CABS1: variants seen among roughly 807,000 people sequenced by gnomAD.
CABS1 encodes the protein calcium-binding and spermatid-specific protein 1.
For synonymous variants in CABS1, 195 were observed against 169.0 expected (o/e 1.15, Z -1.19); for missense variants, 500 against 464.3 (o/e 1.08, Z -0.71).
At position 70,336,255 on chromosome 4, in the gene CABS1, T is replaced by G. The variant is rs200977898; in HGVS notation, c.*28T>G. 13 of 1,577,552 alleles carry G rather than the reference T, an allele frequency of 8.2e-6. No homozygotes were observed. The Admixed American group carries it at 1.5e-4, about 18-fold the overall frequency. On this transcript the variant is annotated 3_prime_UTR_variant, in exon 1 of 2. Coordinates refer to ENST00000273936, the MANE Select transcript of CABS1 (RefSeq NM_033122.4). The stretch of plus-strand genomic sequence containing the variant: ...GCAACAAAAGGGATACCATGTAGAA[T>G]TGTGCAATAGTCTAGCCAGCTAGCC...
Position 70,335,578 on chromosome 4 carries a change from C to T in CABS1, c.539C>T (p.Pro180Leu). 6.2e-7 allele frequency: 1 copy of T among 1,613,566 alleles called. No individual in the cohort carries two copies. The highest frequency in any genetic ancestry group is 1.1e-5 in the South Asian group (1 of 91,068). Reference sequence around the variant, plus strand: ...GGTGTTGCTGACGCTCCTGCCTTTCCACGTAAAAAGGATGAAGCTGATATG... The same window carrying T: ...GGTGTTGCTGACGCTCCTGCCTTTCTACGTAAAAAGGATGAAGCTGATATG... ...SAGVADAPAF[P>L]RKKDEADMSN... The change falls in exon 1 of 2, where the codon CCA (proline) becomes CTA (leucine). Residue 180 changes from proline (P) to leucine (L), a missense_variant. Transcript: ENST00000273936.
Position 70,336,163 on chromosome 4 carries a change from C to T in CABS1, c.1124C>T (p.Thr375Ile), listed in dbSNP as rs1731725352. 1 of 1,612,998 alleles carries T rather than the reference C, an allele frequency of 6.2e-7. No individual in the cohort carries two copies. The highest frequency in any genetic ancestry group is 8.5e-7 in the Non-Finnish European group (1 of 1,179,374). Reference sequence around the variant, plus strand: ...GATACCCCAGACTATAAGGAAGACACCTCCACAACTGAAACGGATATCTTT... The same window carrying T: ...GATACCCCAGACTATAAGGAAGACATCTCCACAACTGAAACGGATATCTTT... ...VLDTPDYKED[T>I]STTETDIFEL... The change falls in exon 1 of 2, where the codon ACC (threonine) becomes ATC (isoleucine). Residue 375 changes from threonine to isoleucine, a missense_variant. Thr to Ile is a moderately conservative substitution (Grantham distance 89). Coordinates refer to ENST00000273936, the MANE Select transcript of CABS1 (RefSeq NM_033122.4).
At chr4:70,336,910 A>C (rs1731740598) in intron 1 of CABS1, 56 bp from the exon 2 acceptor site, 1 of 152,366 alleles carries the variant, frequency 6.6e-6, no homozygotes, top group South Asian at 2.1e-4. Flanking sequence ...ATATACATCA[A>C]TTTAATTTTC....
rs1180086752 is a variant in CABS1, at chr4:70,335,501, A to G, written c.462A>G (p.Ala154=). ...ILLATIDTGD[A]EISITSEVSG... ...TAGCTACCATTGACACAGGAGATGC[A>G]GAGATCTCAATAACCTCTGAAGTCT... The change falls in exon 1 of 2, where the codon GCA becomes GCG. Residue 154 remains alanine, a synonymous_variant. Coordinates refer to ENST00000273936, the MANE Select transcript of CABS1 (RefSeq NM_033122.4). The G allele has an allele frequency of 3.1e-6, 5 of 1,613,722 alleles. No individual in the cohort carries two copies. The East Asian group carries it at 1.1e-4, about 36-fold the overall frequency.
At chr4:70,336,389 G>C in intron 1 of CABS1, 43 bp downstream of exon 1, 1 of 933,404 alleles carries the variant, frequency 1.1e-6, no homozygotes, top group Non-Finnish European at 1.5e-6. Flanking sequence ...AGGACTACAG[G>C]TCATGTAACA....
rs1406470151 is a variant in CABS1 at position 70,335,528 on chromosome 4, T to A, written c.489T>A (p.Ser163=). The change falls in exon 1 of 2, where the codon TCT becomes TCA. Residue 163 remains serine (S), a synonymous_variant. Coordinates refer to ENST00000273936, the MANE Select transcript of CABS1 (RefSeq NM_033122.4). ...AGATCTCAATAACCTCTGAAGTCTCTGGCACACTAAAGGACAGCAGTGCTG... is the reference window on the plus strand; with the variant it reads ...AGATCTCAATAACCTCTGAAGTCTCAGGCACACTAAAGGACAGCAGTGCTG... ...DAEISITSEV[S]GTLKDSSAGV... is the part of the protein sequence containing the mutation. 6.2e-7 allele frequency: 1 copy of A among 1,613,702 alleles called. No homozygotes were observed. The highest frequency in any genetic ancestry group is 1.7e-5 in the Admixed American group (1 of 59,932).
chr4:70,336,248 T>C lies in CABS1; in HGVS notation c.*21T>C, dbSNP rs369578007. The C allele has an allele frequency of 2.1e-4, 336 of 1,582,698 alleles. 1 individual carries two copies. Among genetic ancestry groups the C allele is most frequent in the Admixed American group, 7.3e-5 (4 of 54,550 alleles). On this transcript the variant is annotated 3_prime_UTR_variant, in exon 1 of 2. Transcript: ENST00000273936. The stretch of plus-strand genomic sequence containing the variant: ...TTTAAAAGCAACAAAAGGGATACCA[T>C]GTAGAATTGTGCAATAGTCTAGCCA...
rs1199561550 is a variant in CABS1, at chr4:70,335,283, G to A, written c.244G>A (p.Gly82Arg). 3 of 1,613,708 alleles carry A rather than the reference G, an allele frequency of 1.9e-6. No homozygotes were observed. The highest frequency in any genetic ancestry group is 2.2e-5 in the South Asian group (2 of 91,074). The change falls in exon 1 of 2, where the codon GGG becomes AGG. Residue 82 changes from glycine (G) to arginine (R), a missense_variant. Transcript: ENST00000273936. ...AAAACTCAAATCAGAAGATGATATGGGGACCGACTTTATTAAGTCAACAAC... is the reference window on the plus strand; with the variant it reads ...AAAACTCAAATCAGAAGATGATATGAGGACCGACTTTATTAAGTCAACAAC... Reference protein sequence around the residue: ...KEKLKSEDDMGTDFIKSTTHL... With the variant: ...KEKLKSEDDMRTDFIKSTTHL...
Position 70,336,085 on chromosome 4 carries a change from CA to C in CABS1, c.1047del (p.Glu350ArgfsTer17), listed in dbSNP as rs1365479150. 2 of 1,613,118 alleles carry C rather than the reference CA, an allele frequency of 1.2e-6. No individual in the cohort carries two copies. The highest frequency in any genetic ancestry group is 4.5e-5 in the East Asian group (2 of 44,836). The part of the protein sequence containing the change: ...TEEDLSETDN[T>X]ETVPKITEPF... ...GAAGATTTGTCTGAAACTGATAATA[CA>C]GAGACTGTACCTAAGATCACTGAGC... On this transcript the variant is annotated frameshift_variant, in exon 1 of 2. Transcript: ENST00000273936. LOFTEE classifies it low-confidence loss of function (END_TRUNC).
Position 70,336,058 on chromosome 4 carries a change from A to G in CABS1, c.1019A>G (p.Glu340Gly), listed in dbSNP as rs1364372353. The change falls in exon 1 of 2, where the codon GAA becomes GGA. Residue 340 changes from glutamate to glycine, a missense_variant. Coordinates refer to ENST00000273936, the MANE Select transcript of CABS1 (RefSeq NM_033122.4). ...AACCTAGTGGAAGAATCATCTACAG[A>G]AGAAGATTTGTCTGAAACTGATAAT... ...ATNLVEESST[E>G]EDLSETDNTE... The G allele has an allele frequency of 6.2e-7, 1 of 1,613,234 alleles. No individual in the cohort carries two copies.
rs1731717111 is a variant in CABS1 at position 70,335,926 on chromosome 4, G to A, written c.887G>A (p.Ser296Asn). 6.2e-7 allele frequency: 1 copy of A among 1,613,630 alleles called. No homozygotes were observed. The change falls in exon 1 of 2, where the codon AGT (serine) becomes AAT (asparagine). Residue 296 changes from serine (S) to asparagine (N), a missense_variant. Coordinates refer to ENST00000273936, the MANE Select transcript of CABS1 (RefSeq NM_033122.4). ...GATGAAGAAACTACCGAGGGAGCCA[G>A]TATTTGGATGGAGAGAGATACTGCA... Reference protein sequence around the residue: ...LTDEETTEGASIWMERDTANE... With the variant: ...LTDEETTEGANIWMERDTANE...
In CABS1 at chr4:70,335,000, G is replaced by C. The variant is rs748108740; in HGVS notation, c.-40G>C. ...CTGCCTAGAGATACCACTGAGTCCA[G>C]AAGCAAGACCTGTGAGAGTGCACAG... is the stretch of plus-strand genomic sequence containing the variant. On this transcript the variant is annotated 5_prime_UTR_variant, in exon 1 of 2. Transcript: ENST00000273936. The C allele has an allele frequency of 3.2e-6, 5 of 1,574,212 alleles. No homozygotes were observed. In the Admixed American group the frequency reaches 7.3e-5, roughly 23 times the overall value.
chr4:70,336,933 T>G (rs1731741001), intron 1 of CABS1, 33 bp from the exon 2 acceptor site: 2 of 143,458 alleles, frequency 1.4e-5, no homozygotes. Flanking sequence ...TCTGTTAAAA[T>G]GTGTTTTCTG....
At position 70,336,094 on chromosome 4, in the gene CABS1, T is replaced by C; in HGVS notation, c.1055T>C (p.Val352Ala). 2.5e-6 allele frequency: 4 copies of C among 1,613,252 alleles called. No homozygotes were observed. The highest frequency in any genetic ancestry group is 3.4e-6 in the Non-Finnish European group (4 of 1,179,530). The change falls in exon 1 of 2, where the codon GTA (valine) becomes GCA (alanine). Residue 352 changes from valine (V) to alanine (A), a missense_variant. Val to Ala is a moderately conservative substitution (Grantham distance 64). Coordinates refer to ENST00000273936, the MANE Select transcript of CABS1 (RefSeq NM_033122.4). ...TCTGAAACTGATAATACAGAGACTG[T>C]ACCTAAGATCACTGAGCCATTTTCT... ...DLSETDNTETVPKITEPFSGT... is the reference protein window; with the variant it reads ...DLSETDNTETAPKITEPFSGT...
intron 1 of CABS1, among the ~76,000 whole-genome samples, chr4:70,336,726 A>AT (rs1331653106): frequency 2.6e-5 from 4 of 151,954 alleles, no homozygotes; most frequent in African/African-American, 9.7e-5. Flanking sequence ...ATTCTCTTCT[A>AT]TTTAAAAAAT....
At position 70,335,840 on chromosome 4, in the gene CABS1, G is replaced by A. The variant is rs757900279; in HGVS notation, c.801G>A (p.Val267=). The change falls in exon 1 of 2, where the codon GTG becomes GTA. Residue 267 remains valine (V), a synonymous_variant. Coordinates refer to ENST00000273936, the MANE Select transcript of CABS1 (RefSeq NM_033122.4). The part of the protein sequence containing the change: ...LTDSDEKFIT[V]FELTTSAEKD... ...ACTCTGATGAGAAGTTTATCACTGT[G>A]TTTGAACTCACTACCTCTGCTGAAA... 1.9e-6 allele frequency: 3 copies of A among 1,613,458 alleles called. No homozygotes were observed. The highest frequency in any genetic ancestry group is 4.5e-5 in the East Asian group (2 of 44,840).
At position 70,336,033 on chromosome 4, in the gene CABS1, A is replaced by T. The variant is rs767319197; in HGVS notation, c.994A>T (p.Asn332Tyr). 4 of 1,613,456 alleles carry T rather than the reference A, an allele frequency of 2.5e-6. No individual in the cohort carries two copies. The highest frequency in any genetic ancestry group is 3.4e-6 in the Non-Finnish European group (4 of 1,179,624). The change falls in exon 1 of 2, where the codon AAC (asparagine) becomes TAC (tyrosine). Residue 332 changes from asparagine (N) to tyrosine (Y), a missense_variant. Transcript: ENST00000273936. Reference protein sequence around the residue: ...DFVVPASIATNLVEESSTEED... With the variant: ...DFVVPASIATYLVEESSTEED... ...CGTTGTCCCTGCATCAATAGCTACA[A>T]ACCTAGTGGAAGAATCATCTACAGA... is the stretch of plus-strand genomic sequence containing the variant.
At position 70,335,147 on chromosome 4, in the gene CABS1, A is replaced by G. The variant is rs1731688924; in HGVS notation, c.108A>G (p.Lys36=). ...TTGGGGCTGACAATGCTATTCCCAA[A>G]TCAGAAACAACTATTACTTCAGAAG... The part of the protein sequence containing the change: ...IFFGADNAIP[K]SETTITSEGD... The change falls in exon 1 of 2, where the codon AAA becomes AAG. Residue 36 remains lysine (K), a synonymous_variant. Coordinates refer to ENST00000273936, the MANE Select transcript of CABS1 (RefSeq NM_033122.4). The G allele has an allele frequency of 6.2e-7, 1 of 1,613,720 alleles. No individual in the cohort carries two copies. Among genetic ancestry groups the G allele is most frequent in the African/African-American group, 1.3e-5 (1 of 74,886 alleles).
Position 70,335,563 on chromosome 4 carries a change from A to T in CABS1, c.524A>T (p.Asp175Val), listed in dbSNP as rs748757278. 5.6e-6 allele frequency: 9 copies of T among 1,613,668 alleles called. No individual in the cohort carries two copies. The South Asian group carries it at 8.8e-5, about 16-fold the overall frequency. The change falls in exon 1 of 2, where the codon GAC (aspartate) becomes GTC (valine). Residue 175 changes from aspartate to valine, a missense_variant. Coordinates refer to ENST00000273936, the MANE Select transcript of CABS1 (RefSeq NM_033122.4). The stretch of plus-strand genomic sequence containing the variant: ...AAGGACAGCAGTGCTGGTGTTGCTG[A>T]CGCTCCTGCCTTTCCACGTAAAAAG... ...TLKDSSAGVA[D>V]APAFPRKKDE...
Sources: allele counts gnomAD v4.1 joint callset (sites outside exome capture counted in the v4.1 genomes callset), GRCh38; gene constraint gnomAD v4.1.1; transcripts MANE v1.5; gene names NCBI Gene and HGNC (gene_info 2026-07-23, HGNC 2026-07-21).